Variants in TAB3 observed in about 807,000 individuals in gnomAD.
TAB3 encodes the protein TGF-beta activated kinase 1 (MAP3K7) binding protein 3, also known as TGF-beta-activated kinase 1 and MAP3K7-binding protein 3.
A neutral mutation model predicts 48.1 loss-of-function variants in TAB3; 18 were observed. The observed-to-expected ratio is 0.37, with a 90% CI of 0.26 to 0.55. TAB3 has a LOEUF of 0.55. Ranked by LOEUF, TAB3 falls within the 20% of genes least tolerant of loss-of-function variation. The probability of loss-of-function intolerance (pLI) is 0.78; values close to 1 mark genes in which losing one functional copy is unlikely to be tolerated. For missense variants in TAB3, 414 were observed against 549.8 expected (o/e 0.75, Z 2.47); for synonymous variants, 185 against 190.2 (o/e 0.97, Z 0.22).
chrX:30,860,717 C>T (rs1305708732), intron 4 of TAB3, among the ~76,000 whole-genome samples: 2 of 111,774 alleles, frequency 1.8e-5, no homozygotes, highest in African/African-American at 6.5e-5. Flanking sequence ...TTTACCTGAT[C>T]CTGATCCTAT....
intron 8 of TAB3, 176 bp downstream of exon 8, chrX:30,846,375 A>AT: frequency 2.6e-6 from 1 of 387,394 alleles, no homozygotes. Context: ...AAGTAAAACT[A>AT]TTTTTTCATC....
At chrX:30,839,776 C>CA (rs1208593283) in intron 9 of TAB3, among the ~76,000 whole-genome samples, 2 of 108,902 alleles carry the variant, frequency 1.8e-5, no homozygotes, top group East Asian at 2.9e-4. Flanking sequence ...TGTATTTTCT[C>CA]AAAGAGTTTA....
chrX:30,850,249 A>C (rs192645795), intron 7 of TAB3, among the ~76,000 whole-genome samples: 7 of 112,036 alleles, frequency 6.2e-5, no homozygotes, highest in African/African-American at 1.9e-4. Flanking sequence ...TAAATGTCTT[A>C]TCTCTCAGAT....
At chrX:30,849,221 T>C (rs1355941073) in intron 7 of TAB3, among the ~76,000 whole-genome samples, 2 of 112,260 alleles carry the variant, frequency 1.8e-5, no homozygotes, top group Non-Finnish European at 3.8e-5. Flanking sequence ...GATGACATCT[T>C]TGTCAGCATT....
intron 4 of TAB3, among the ~76,000 whole-genome samples, chrX:30,865,969 G>A (rs1258825635): frequency 8.9e-6 from 1 of 111,741 alleles, no homozygotes; most frequent in Non-Finnish European, 1.9e-5. Context: ...ACAAGGGGGA[G>A]AGGAATACGA....
intron 9 of TAB3, chrX:30,835,044 C>CA: frequency 3.2e-5 from 4 of 124,849 alleles, no homozygotes. Context: ...CCTATGTGTG[C>CA]AGAAGCCCAG....
chrX:30,833,033 T>G (rs985250672), intron 10 of TAB3, among the ~76,000 whole-genome samples: 1 of 105,589 alleles, frequency 9.5e-6, no homozygotes. Context: ...TGCAGTGGCG[T>G]GATCTCGGCT....
At chrX:30,872,804 T>C (rs530779669) in intron 1 of TAB3, among the ~76,000 whole-genome samples, 25 of 112,220 alleles carry the variant, frequency 2.2e-4, no homozygotes, top group Middle Eastern at 9.2e-3. Flanking sequence ...AACCCTCTGA[T>C]GAATCTTCAC....
chrX:30,837,622 C>T (rs1236203951), intron 9 of TAB3, among the ~76,000 whole-genome samples: 1 of 111,938 alleles, frequency 8.9e-6, no homozygotes, highest in Non-Finnish European at 1.9e-5. Context: ...CAAATATTTT[C>T]TCCTGGTCTG....
At chrX:30,846,311 T>C in intron 8 of TAB3, 1 of 340,810 alleles carries the variant, frequency 2.9e-6, no homozygotes, top group South Asian at 6.4e-5. Flanking sequence ...AGAGGATAAA[T>C]GCAAAGTAAC....
chrX:30,865,935 T>C (rs1315605582), intron 4 of TAB3, among the ~76,000 whole-genome samples: 1 of 112,147 alleles, frequency 8.9e-6, no homozygotes, highest in Non-Finnish European at 1.9e-5. Context: ...TTTTCATGCA[T>C]ATATGTAAAG....
chrX:30,845,358 C>T (rs1938591257), intron 8 of TAB3: 2 of 112,045 alleles, frequency 1.8e-5, no homozygotes, highest in Admixed American at 9.5e-5. Context: ...CTAATTTTTA[C>T]GTGTCTGTTG....
At chrX:30,880,182 T>C (rs58960284) in intron 1 of TAB3, among the ~76,000 whole-genome samples, 356 of 111,982 alleles carry the variant, frequency 3.2e-3, no homozygotes, top group African/African-American at 0.011. Flanking sequence ...AATGACAAGA[T>C]GATATTAAAA....
Position 30,855,584 on chromosome X carries a change from A to G in TAB3, c.103-22T>C, listed in dbSNP as rs1262507385. Reference sequence around the variant, plus strand: ...TATTCTAGGGGAGAAAAATGGTAAAAGTAACATTGGCAACATTAACAAATT... The same window carrying G: ...TATTCTAGGGGAGAAAAATGGTAAAGGTAACATTGGCAACATTAACAAATT... On this transcript the variant is annotated intron_variant, in intron 5 of 10. Coordinates refer to ENST00000288422, the MANE Select transcript of TAB3 (RefSeq NM_152787.5). The G allele has an allele frequency of 4.3e-6, 5 of 1,158,862 alleles. No homozygotes were observed. In the African/African-American group the frequency reaches 7.2e-5, roughly 17 times the overall value.
At chrX:30,864,989 A>G (rs182302208) in intron 4 of TAB3, among the ~76,000 whole-genome samples, 154 of 111,668 alleles carry the variant, frequency 1.4e-3, no homozygotes, top group Non-Finnish European at 2.5e-3. Context: ...GCTGATTCCA[A>G]ACACTGCAGC....
rs1569199657 is a variant in TAB3, at chrX:30,830,911, T to TGCC, written c.*513_*515dup. The TGCC allele has an allele frequency of 7.1e-5, 2 of 28,124 alleles. No homozygotes were observed. The highest frequency in any genetic ancestry group is 1.6e-4 in the Non-Finnish European group (2 of 12,661). 2.3% of individuals were successfully genotyped at this position (28,124 alleles called of 1,213,427 possible). A position where few individuals can be genotyped will look rare whatever the true frequency, so the allele number is the denominator to read the frequency against. ...CAATTACAAATACCCTTAATTAATT[T>TGCC]GCCCCCCCCCCCCAAATATTCTAGG... On this transcript the variant is annotated 3_prime_UTR_variant, in exon 11 of 11. Transcript: ENST00000288422.
Position 30,831,528 on chromosome X carries a change from C to T in TAB3, c.2038G>A (p.Glu680Lys). The T allele has an allele frequency of 3.3e-6, 4 of 1,211,334 alleles. No homozygotes were observed. The highest frequency in any genetic ancestry group is 4.5e-6 in the Non-Finnish European group (4 of 895,404). Residue 680 changes from glutamate (E) to lysine (K), a missense_variant, in exon 11 of 11, where the codon GAA (glutamate) becomes AAA (lysine). Physicochemically the swap from Glu to Lys is moderately conservative, Grantham distance 56. Coordinates refer to ENST00000288422, the MANE Select transcript of TAB3 (RefSeq NM_152787.5). ...TQSPRTQPRD[E>K]DYEGAPWNCD... The stretch of plus-strand genomic sequence containing the variant: ...TTCCATGGAGCCCCTTCGTAGTCTT[C>T]ATCTCGAGGTTGTGTCCGAGGACTT...
chrX:30,859,440 T>C (rs1419891171), intron 5 of TAB3, 47 bp downstream of exon 5: 3 of 1,021,202 alleles, frequency 2.9e-6, no homozygotes, highest in Non-Finnish European at 2.7e-6. Context: ...CCAGCTCTAA[T>C]AGGAAAAACT....
rs138280257 is a variant in TAB3, at chrX:30,875,085, C to A, written c.-382-3284G>T. Among the ~76,000 whole-genome samples the A allele has an allele frequency of 1.9e-4, 21 of 111,632 alleles. No individual in the cohort carries two copies. The East Asian group carries it at 5.6e-3, about 30-fold the overall frequency. On this transcript the variant is annotated intron_variant, in intron 1 of 10. Coordinates refer to ENST00000288422, the MANE Select transcript of TAB3 (RefSeq NM_152787.5). ...TATGAAGGAGTAATCTCCCAATTGTCTCAATCTTCAGGACATGAGTCATGG... is the reference window on the plus strand; with the variant it reads ...TATGAAGGAGTAATCTCCCAATTGTATCAATCTTCAGGACATGAGTCATGG...
Sources: gnomAD v4.1 joint callset for allele counts (sites outside exome capture counted in the v4.1 genomes callset) on GRCh38, gnomAD v4.1.1 for gene constraint, MANE v1.5 for transcripts, NCBI Gene and HGNC (gene_info 2026-07-23, HGNC 2026-07-21) for gene names.